SPAG16: variants seen among roughly 807,000 people sequenced by gnomAD.
SPAG16 encodes sperm associated antigen 16, also known as sperm-associated antigen 16 protein.
In SPAG16, 86 loss-of-function variants were observed where a neutral mutation model predicts 80.4. That is an observed-to-expected ratio of 1.07 (90% CI 0.90 to 1.28). The LOEUF (loss-of-function observed/expected upper bound fraction) is 1.28. Among genes scored for constraint, SPAG16 ranks in the 50% most tolerant of loss-of-function variants. The probability of loss-of-function intolerance (pLI) is 0.00; values close to 1 mark genes in which losing one functional copy is unlikely to be tolerated. For missense variants in SPAG16, 870 were observed against 765.3 expected (o/e 1.14, Z -1.61); for synonymous variants, 294 against 265.9 (o/e 1.11, Z -1.03).
intron 10 of SPAG16, among the ~76,000 whole-genome samples, chr2:213,811,398 C>T (rs886268125): frequency 2.0e-5 from 3 of 152,068 alleles, no homozygotes; most frequent in African/African-American, 7.2e-5. Context: ...TTTATATTCT[C>T]TCTAATAAAA....
Position 213,501,603 on chromosome 2 carries a change from T to C in SPAG16, c.1070+11513T>C, listed in dbSNP as rs2074744607. On this transcript the variant is annotated intron_variant, in intron 10 of 15. Coordinates refer to ENST00000331683, the MANE Select transcript of SPAG16 (RefSeq NM_024532.5). ...TGCTCTGTGTATTTAAACAGAATGA[T>C]TGGGAAATAACTACCGTAATTTCTT... 3.3e-5 allele frequency among the ~76,000 whole-genome samples: 5 copies of C among 152,178 alleles called. No homozygotes were observed. The South Asian group carries it at 1.0e-3, about 31-fold the overall frequency.
intron 12 of SPAG16, among the ~76,000 whole-genome samples, chr2:213,998,383 G>T (rs1236812525): frequency 6.6e-6 from 1 of 152,098 alleles, no homozygotes; most frequent in Non-Finnish European, 1.5e-5. Context: ...GAGATCTGAT[G>T]GTTTTATCAA....
chr2:213,445,915 C>A (rs1260901083), intron 9 of SPAG16, among the ~76,000 whole-genome samples: 1 of 152,158 alleles, frequency 6.6e-6, no homozygotes, highest in African/African-American at 2.4e-5. Flanking sequence ...CCCTGAGGGA[C>A]CAGAGAACCA....
At chr2:213,922,594 A>G (rs982845316) in intron 11 of SPAG16, among the ~76,000 whole-genome samples, 4 of 152,198 alleles carry the variant, frequency 2.6e-5, no homozygotes, top group Non-Finnish European at 5.9e-5. Context: ...TAGAGGAAAG[A>G]AGGTACTCTG....
At chr2:213,931,559 T>A (rs149335641) in intron 12 of SPAG16, among the ~76,000 whole-genome samples, 1,552 of 152,316 alleles carry the variant, frequency 0.01, 13 homozygotes, top group Non-Finnish European at 0.017. Flanking sequence ...AAAACAGTGA[T>A]CTTTTCTAAA....
intron 10 of SPAG16, among the ~76,000 whole-genome samples, chr2:213,807,579 C>T (rs779873259): frequency 2.0e-5 from 3 of 152,082 alleles, no homozygotes; most frequent in East Asian, 1.9e-4. Context: ...GCAAAAGTGT[C>T]GAAAATGTGC....
intron 10 of SPAG16, among the ~76,000 whole-genome samples, chr2:213,691,405 C>A (rs888783813): frequency 2.6e-5 from 4 of 152,138 alleles, no homozygotes; most frequent in African/African-American, 9.7e-5. Context: ...CACCTTTAGG[C>A]ACCTTGATCA....
At chr2:214,330,616 T>C (rs1696849298) in intron 15 of SPAG16, among the ~76,000 whole-genome samples, 3 of 151,694 alleles carry the variant, frequency 2.0e-5, no homozygotes, top group Non-Finnish European at 2.9e-5. Context: ...GCTCTTCATA[T>C]TTGTCTCAAA....
intron 15 of SPAG16, among the ~76,000 whole-genome samples, chr2:214,195,319 A>AGATAGATAGATAGATAGATAGATAGAT (rs1318232924): frequency 5.9e-5 from 9 of 151,820 alleles, no homozygotes; most frequent in Non-Finnish European, 1.3e-4. Context: ...ATAGATAGAT[A>AGATAGATAGATAGATAGATAGATAGAT]GATAGATAGA....
chr2:214,017,245 C>T (rs1054326236), intron 13 of SPAG16, among the ~76,000 whole-genome samples: 9 of 152,102 alleles, frequency 5.9e-5, no homozygotes, highest in Non-Finnish European at 1.2e-4. Context: ...CTCCTCCTTG[C>T]TTTAAAATAG....
At chr2:213,857,464 A>G (rs1469828312) in intron 10 of SPAG16, among the ~76,000 whole-genome samples, 1 of 152,226 alleles carries the variant, frequency 6.6e-6, no homozygotes, top group Non-Finnish European at 1.5e-5. Flanking sequence ...TATGATTTAT[A>G]AATGTAACAA....
intron 12 of SPAG16, among the ~76,000 whole-genome samples, chr2:213,949,184 T>TTGTTTTG (rs1559620324): frequency 2.6e-4 from 5 of 19,190 alleles, no homozygotes; most frequent in Non-Finnish European, 6.2e-4. Context: ...TTTTTTTTTT[T>TTGTTTTG]TTTTTTTTTG....
At chr2:214,009,718 G>T (rs2047195083) in intron 12 of SPAG16, among the ~76,000 whole-genome samples, 1 of 152,114 alleles carries the variant, frequency 6.6e-6, no homozygotes, top group African/African-American at 2.4e-5. Flanking sequence ...ATGGAGAAGA[G>T]ATACACGTCA....
chr2:213,540,791 T>C (rs1272195488), intron 10 of SPAG16, among the ~76,000 whole-genome samples: 5 of 152,276 alleles, frequency 3.3e-5, no homozygotes, highest in African/African-American at 1.2e-4. Flanking sequence ...TGGAATATTA[T>C]GCTTCAGACT....
intron 14 of SPAG16, among the ~76,000 whole-genome samples, chr2:214,141,936 A>G (rs922628247): frequency 6.6e-6 from 1 of 152,084 alleles, no homozygotes; most frequent in African/African-American, 2.4e-5. Context: ...CAATTCTGGC[A>G]AAGTTTCAGC....
chr2:213,656,199 C>T (rs1574671192), intron 10 of SPAG16, among the ~76,000 whole-genome samples: 1 of 152,278 alleles, frequency 6.6e-6, no homozygotes, highest in East Asian at 1.9e-4. Flanking sequence ...TTGATGTGTG[C>T]CTTTTTTTGT....
intron 10 of SPAG16, among the ~76,000 whole-genome samples, chr2:213,744,939 T>C (rs1387795815): frequency 6.6e-6 from 1 of 152,242 alleles, no homozygotes; most frequent in East Asian, 1.9e-4. Context: ...TACTTTTAAT[T>C]CCATTTTGCC....
At chr2:213,460,994 C>T (rs2072326580) in intron 9 of SPAG16, among the ~76,000 whole-genome samples, 1 of 152,064 alleles carries the variant, frequency 6.6e-6, no homozygotes, top group Admixed American at 6.5e-5. Flanking sequence ...TACTTTCATG[C>T]CATTTCTACC....
chr2:213,973,104 C>G (rs186812844), intron 12 of SPAG16, among the ~76,000 whole-genome samples: 74 of 152,300 alleles, frequency 4.9e-4, no homozygotes, highest in Middle Eastern at 3.4e-3. Flanking sequence ...CCTACTTGTG[C>G]TGAGTGTGGA....
Sources: allele counts gnomAD v4.1 joint callset (sites outside exome capture counted in the v4.1 genomes callset), GRCh38; gene constraint gnomAD v4.1.1; transcripts MANE v1.5; gene names NCBI Gene and HGNC (gene_info 2026-07-23, HGNC 2026-07-21).